TMEM132B: variants seen among roughly 807,000 people sequenced by gnomAD.
TMEM132B encodes the protein transmembrane protein 132B.
In TMEM132B, 18 loss-of-function variants were observed where a neutral mutation model predicts 90.8. The ratio of observed to expected loss-of-function variants is 0.20; its 90% CI spans 0.14 to 0.29. The LOEUF (loss-of-function observed/expected upper bound fraction) is 0.29. Among genes scored for constraint, TMEM132B ranks in the 10% least tolerant of loss-of-function variants. The probability of loss-of-function intolerance (pLI) is 1.00; values close to 1 mark genes in which losing one functional copy is unlikely to be tolerated. For missense variants in TMEM132B, 1,096 were observed against 1,326.8 expected (o/e 0.83, Z 2.70); for synonymous variants, 504 against 523.3 (o/e 0.96, Z 0.50).
intron 1 of TMEM132B, among the ~76,000 whole-genome samples, chr12:125,243,124 C>T (rs999031457): frequency 7.1e-6 from 1 of 141,116 alleles, no homozygotes; most frequent in African/African-American, 2.7e-5. Flanking sequence ...TATATATATA[C>T]ACACACACAC....
chr12:125,647,207 G>A (rs1886787195), intron 6 of TMEM132B, among the ~76,000 whole-genome samples: 1 of 152,110 alleles, frequency 6.6e-6, no homozygotes, highest in Non-Finnish European at 1.5e-5. Context: ...GGAGCATCAG[G>A]GACTTGTGGG....
At chr12:125,467,499 G>T (rs1881597123) in intron 3 of TMEM132B, among the ~76,000 whole-genome samples, 1 of 152,000 alleles carries the variant, frequency 6.6e-6, no homozygotes, top group Non-Finnish European at 1.5e-5. Context: ...ATTCCTGTGG[G>T]CAGAGAAATG....
intron 2 of TMEM132B, among the ~76,000 whole-genome samples, chr12:125,393,308 T>C (rs1168818778): frequency 2.6e-5 from 4 of 152,208 alleles, no homozygotes; most frequent in African/African-American, 9.6e-5. Context: ...ACAAGATATG[T>C]CATTTCTACT....
chr12:125,271,511 TA>T (rs1217597064), intron 1 of TMEM132B, among the ~76,000 whole-genome samples: 1 of 152,104 alleles, frequency 6.6e-6, no homozygotes, highest in Non-Finnish European at 1.5e-5. Context: ...GAGGGTTGAG[TA>T]AAAAAATTTT....
chr12:125,465,481 G>T (rs1301435262), intron 3 of TMEM132B, among the ~76,000 whole-genome samples: 1 of 152,136 alleles, frequency 6.6e-6, no homozygotes, highest in East Asian at 1.9e-4. Context: ...GAAATGAACT[G>T]CTCAGTGACA....
chr12:125,506,692 G>T (rs933928654), intron 3 of TMEM132B, among the ~76,000 whole-genome samples: 1 of 152,096 alleles, frequency 6.6e-6, no homozygotes, highest in African/African-American at 2.4e-5. Context: ...CACAAAAAAG[G>T]TTTGAGAGAT....
intron 1 of TMEM132B, among the ~76,000 whole-genome samples, chr12:125,297,634 T>C (rs1423896206): frequency 6.6e-6 from 1 of 152,160 alleles, no homozygotes; most frequent in Non-Finnish European, 1.5e-5. Context: ...GAAGCAAGAA[T>C]TGAGATGCTC....
intron 4 of TMEM132B, among the ~76,000 whole-genome samples, chr12:125,577,638 T>C (rs1884969774): frequency 6.6e-6 from 1 of 151,352 alleles, no homozygotes; most frequent in Non-Finnish European, 1.5e-5. Flanking sequence ...TCTTCCTTGC[T>C]CTTGTTCTAG....
At chr12:125,199,042 A>AT (rs1407584678) in intron 1 of TMEM132B, among the ~76,000 whole-genome samples, 1 of 152,262 alleles carries the variant, frequency 6.6e-6, no homozygotes, top group Non-Finnish European at 1.5e-5. Context: ...ACTTCTGGGA[A>AT]TTCTATATTG....
At chr12:125,293,553 G>A (rs1421642355) in intron 1 of TMEM132B, among the ~76,000 whole-genome samples, 3 of 152,126 alleles carry the variant, frequency 2.0e-5, no homozygotes, top group South Asian at 2.1e-4. Context: ...TGCAGTATTT[G>A]GTTTCTGTTT....
chr12:125,200,626 T>G (rs995830141), intron 1 of TMEM132B, among the ~76,000 whole-genome samples: 1 of 152,180 alleles, frequency 6.6e-6, no homozygotes, highest in Non-Finnish European at 1.5e-5. Context: ...TGGGTAGGGA[T>G]CAGCACCCAC....
intron 5 of TMEM132B, among the ~76,000 whole-genome samples, chr12:125,617,026 T>A (rs372067731): frequency 1.0e-3 from 152 of 152,318 alleles, no homozygotes; most frequent in African/African-American, 3.4e-3. Context: ...CCATGAGAAA[T>A]AAATTTCTGT....
chr12:125,525,997 C>T (rs962141034), intron 4 of TMEM132B, among the ~76,000 whole-genome samples: 1 of 152,176 alleles, frequency 6.6e-6, no homozygotes, highest in African/African-American at 2.4e-5. Flanking sequence ...CAGGGCTATT[C>T]CTGCTTTCTG....
intron 3 of TMEM132B, among the ~76,000 whole-genome samples, chr12:125,441,814 AT>A (rs1017237477): frequency 2.0e-5 from 3 of 152,194 alleles, no homozygotes; most frequent in Admixed American, 1.3e-4. Flanking sequence ...TAAAATGGGG[AT>A]TTTGTTGCAG....
At chr12:125,344,006 T>C (rs1877278352) in intron 1 of TMEM132B, among the ~76,000 whole-genome samples, 1 of 152,350 alleles carries the variant, frequency 6.6e-6, no homozygotes, top group South Asian at 2.1e-4. Context: ...TTGATGGACA[T>C]TCATTCAGCA....
rs1880979984 is a variant in TMEM132B at position 125,445,456 on chromosome 12, T to G, written c.1106+29779T>G. On this transcript the variant is annotated intron_variant, in intron 3 of 8. Transcript: ENST00000682704. This position sits in a 1 kb window ranked among gnomAD's most constrained non-coding sequence, Gnocchi z 4.3. Reference sequence around the variant, plus strand: ...CAATGGGCCAAAGTCTAAGCCTTTCTTCTCTGCAGTGAGTACGGTATTTAA... The same window carrying G: ...CAATGGGCCAAAGTCTAAGCCTTTCGTCTCTGCAGTGAGTACGGTATTTAA... Among the ~76,000 whole-genome samples the G allele has an allele frequency of 6.6e-6, 1 of 152,234 alleles. No homozygotes were observed.
chr12:125,601,615 A>G (rs2136920439), intron 5 of TMEM132B, among the ~76,000 whole-genome samples: 2 of 152,302 alleles, frequency 1.3e-5, no homozygotes, highest in Middle Eastern at 3.4e-3. Context: ...AACTAAGATC[A>G]GAGCAGAACT....
At chr12:125,478,545 A>T (rs1212906632) in intron 3 of TMEM132B, among the ~76,000 whole-genome samples, 1 of 152,210 alleles carries the variant, frequency 6.6e-6, no homozygotes, top group Non-Finnish European at 1.5e-5. Flanking sequence ...ATGAAGCAAG[A>T]AGAGAAGTTT....
chr12:125,259,730 T>G (rs1874518321), intron 1 of TMEM132B, among the ~76,000 whole-genome samples: 1 of 152,156 alleles, frequency 6.6e-6, no homozygotes, highest in Non-Finnish European at 1.5e-5. Flanking sequence ...AAGGTATAAA[T>G]CTTGCTTGTT....
Sources: gnomAD v4.1 joint callset for allele counts (sites outside exome capture counted in the v4.1 genomes callset) on GRCh38, gnomAD v4.1.1 for gene constraint, Gnocchi (gnomAD v3.1) non-coding constraint, MANE v1.5 for transcripts, NCBI Gene and HGNC (gene_info 2026-07-23, HGNC 2026-07-21) for gene names.